The following IL1RAPL1 variants were observed in gnomAD, a reference collection of about 807,000 sequenced individuals.
The protein encoded by IL1RAPL1 is interleukin-1 receptor accessory protein-like 1.
In IL1RAPL1, 3 loss-of-function variants were observed where a neutral mutation model predicts 48.4. The ratio of observed to expected loss-of-function variants is 0.06; its 90% CI spans 0.03 to 0.16. IL1RAPL1 has a LOEUF of 0.16. Ranked by LOEUF, IL1RAPL1 falls within the 10% of genes least tolerant of loss-of-function variation. IL1RAPL1 has a pLI of 1.00. For missense variants in IL1RAPL1, 349 were observed against 530.6 expected (o/e 0.66, Z 3.36); for synonymous variants, 185 against 187.7 (o/e 0.99, Z 0.12).
chrX:29,325,097 T>G (rs1012108596), intron 3 of IL1RAPL1, among the ~76,000 whole-genome samples: 1 of 111,975 alleles, frequency 8.9e-6, no homozygotes, highest in African/African-American at 3.2e-5. Context: ...TTAGATTAAT[T>G]TATTGATATT....
intron 6 of IL1RAPL1, among the ~76,000 whole-genome samples, chrX:29,909,522 T>C (rs1388038208): frequency 9.0e-6 from 1 of 111,169 alleles, no homozygotes; most frequent in Non-Finnish European, 1.9e-5. Context: ...AAATCAAGAA[T>C]GCAATCCCAT....
chrX:28,922,425 G>A (rs1923637371), intron 2 of IL1RAPL1, among the ~76,000 whole-genome samples: 1 of 111,439 alleles, frequency 9.0e-6, no homozygotes, highest in Admixed American at 9.5e-5. Flanking sequence ...AAATACTGTT[G>A]GCAATGCTGA....
At chrX:28,625,589 T>A (rs12353713) in intron 1 of IL1RAPL1, among the ~76,000 whole-genome samples, 5,245 of 111,693 alleles carry the variant, frequency 0.047, 296 homozygotes, top group African/African-American at 0.16. Context: ...GAGAGCCAGG[T>A]GTGCTGAATG....
intron 5 of IL1RAPL1, among the ~76,000 whole-genome samples, chrX:29,552,708 C>G (rs1921855075): frequency 9.2e-6 from 1 of 108,468 alleles, no homozygotes; most frequent in Non-Finnish European, 1.9e-5. Context: ...TGTAAATGCC[C>G]TAAATCTGTA....
intron 6 of IL1RAPL1, among the ~76,000 whole-genome samples, chrX:29,869,109 A>G (rs1931754346): frequency 8.9e-6 from 1 of 112,404 alleles, no homozygotes; most frequent in Non-Finnish European, 1.9e-5. Flanking sequence ...AACACACAAG[A>G]GTTTATATCT....
intron 5 of IL1RAPL1, among the ~76,000 whole-genome samples, chrX:29,501,994 A>G (rs752132876): frequency 9.1e-6 from 1 of 110,368 alleles, no homozygotes; most frequent in East Asian, 2.8e-4. Context: ...TGCTTTTTCA[A>G]TTTATTTCGT....
At chrX:29,600,929 C>T (rs1293247748) in intron 5 of IL1RAPL1, among the ~76,000 whole-genome samples, 1 of 111,270 alleles carries the variant, frequency 9.0e-6, no homozygotes, top group African/African-American at 3.3e-5. Flanking sequence ...CCATGCCCCT[C>T]CAACAGCACT....
Position 29,415,802 on chromosome X carries a change from A to G in IL1RAPL1, c.703+16494A>G, listed in dbSNP as rs369199227. Among the ~76,000 whole-genome samples the G allele has an allele frequency of 5.3e-5, 6 of 112,570 alleles. No homozygotes were observed. In the East Asian group the frequency reaches 1.1e-3, roughly 21 times the overall value. ...TGGCAAGAAATTTGTTACTTGGTAT[A>G]AATAAAACCAAGTTGATTTGTTTAA... is the stretch of plus-strand genomic sequence containing the variant. On this transcript the variant is annotated intron_variant, in intron 5 of 10. Coordinates refer to ENST00000378993, the MANE Select transcript of IL1RAPL1 (RefSeq NM_014271.4).
intron 2 of IL1RAPL1, among the ~76,000 whole-genome samples, chrX:28,867,527 CTCT>C (rs1922107139): frequency 1.8e-5 from 2 of 111,971 alleles, no homozygotes; most frequent in Non-Finnish European, 1.9e-5. Flanking sequence ...GTTTAGGAGT[CTCT>C]TCTTCTTATA....
At position 29,043,183 on chromosome X, in the gene IL1RAPL1, A is replaced by T. The variant is rs1233101974; in HGVS notation, c.83-239755A>T. Among the ~76,000 whole-genome samples the T allele has an allele frequency of 2.7e-5, 3 of 111,717 alleles. No individual in the cohort carries two copies. In the South Asian group the frequency reaches 1.1e-3, roughly 42 times the overall value. ...GACACCAACATTGTGATGATGTGTGAAATACTTACATTTCTCTATGGCTGC... is the reference window on the plus strand; with the variant it reads ...GACACCAACATTGTGATGATGTGTGTAATACTTACATTTCTCTATGGCTGC... On this transcript the variant is annotated intron_variant, in intron 2 of 10. Transcript: ENST00000378993.
At chrX:29,716,486 A>C (rs1163256652) in intron 6 of IL1RAPL1, among the ~76,000 whole-genome samples, 1 of 111,710 alleles carries the variant, frequency 9.0e-6, no homozygotes, top group Non-Finnish European at 1.9e-5. Flanking sequence ...TGCTAAATGC[A>C]AGCCAAACCT....
At chrX:29,100,733 C>G (rs1295052495) in intron 2 of IL1RAPL1, among the ~76,000 whole-genome samples, 2 of 111,606 alleles carry the variant, frequency 1.8e-5, no homozygotes, top group African/African-American at 3.2e-5. Context: ...CTTCAAATAT[C>G]TATTAGCCTT....
At chrX:28,616,843 C>T (rs1160663112) in intron 1 of IL1RAPL1, among the ~76,000 whole-genome samples, 1 of 112,289 alleles carries the variant, frequency 8.9e-6, no homozygotes, top group African/African-American at 3.2e-5. Context: ...GTAAATTAAA[C>T]AATTGCAGCA....
At chrX:29,472,103 C>G (rs1242096554) in intron 5 of IL1RAPL1, among the ~76,000 whole-genome samples, 6 of 111,805 alleles carry the variant, frequency 5.4e-5, no homozygotes, top group Non-Finnish European at 1.1e-4. Flanking sequence ...AGTCACTTCC[C>G]TAAAATGGCT....
At chrX:29,027,426 AT>A (rs1242030930) in intron 2 of IL1RAPL1, among the ~76,000 whole-genome samples, 1 of 111,742 alleles carries the variant, frequency 8.9e-6, no homozygotes, top group Non-Finnish European at 1.9e-5. Context: ...ACCACAGTTT[AT>A]TCATTCGTCT....
chrX:29,015,129 A>C (rs1926211001), intron 2 of IL1RAPL1, among the ~76,000 whole-genome samples: 1 of 111,008 alleles, frequency 9.0e-6, no homozygotes, highest in African/African-American at 3.3e-5. Flanking sequence ...TGAGTTCTGA[A>C]CTCTAAAGGA....
At chrX:29,726,532 C>T (rs1456381800) in intron 6 of IL1RAPL1, among the ~76,000 whole-genome samples, 3 of 112,199 alleles carry the variant, frequency 2.7e-5, no homozygotes, top group Non-Finnish European at 5.6e-5. Flanking sequence ...TTCCATTTGC[C>T]TCTAGTCATT....
chrX:29,592,530 T>G (rs975945161), intron 5 of IL1RAPL1, among the ~76,000 whole-genome samples: 1 of 111,384 alleles, frequency 9.0e-6, no homozygotes, highest in Non-Finnish European at 1.9e-5. Context: ...AAATAGTAAA[T>G]GAAGTCAACA....
At chrX:28,768,747 C>CTATATATA (rs1936274600) in intron 1 of IL1RAPL1, among the ~76,000 whole-genome samples, 7 of 70,894 alleles carry the variant, frequency 9.9e-5, no homozygotes, top group Admixed American at 1.7e-4. Context: ...CTCTCTCTCT[C>CTATATATA]TCTCTCTCTA....
Sources: gnomAD v4.1 joint callset for allele counts (sites outside exome capture counted in the v4.1 genomes callset) on GRCh38, gnomAD v4.1.1 for gene constraint, MANE v1.5 for transcripts, NCBI Gene and HGNC (gene_info 2026-07-23, HGNC 2026-07-21) for gene names.